The following SLC30A7 variants were observed in gnomAD, a reference collection of about 807,000 sequenced individuals.
SLC30A7 encodes the protein solute carrier family 30 member 7, also known as zinc transporter 7.
In SLC30A7, 35 loss-of-function variants were observed where a neutral mutation model predicts 46.0. The observed-to-expected ratio is 0.76, with a 90% CI of 0.58 to 1.01. SLC30A7 has a LOEUF of 1.01. SLC30A7 is among the 50% of genes least tolerant of loss of function. The pLI is 0.00. For synonymous variants in SLC30A7, 147 were observed against 157.8 expected (o/e 0.93, Z 0.51); for missense variants, 464 against 451.1 (o/e 1.03, Z -0.26).
At chr1:100,912,068 A>G (rs1404521299) in intron 4 of SLC30A7, 44 bp from the exon 5 acceptor site, 1 of 1,557,802 alleles carries the variant, frequency 6.4e-7, no homozygotes, top group Non-Finnish European at 8.8e-7. Context: ...TTGATCAATC[A>G]GAAATAATAT....
chr1:100,906,674 G>A (rs1651691413), intron 2 of SLC30A7, among the ~76,000 whole-genome samples, 178 bp from the exon 3 acceptor site: 1 of 152,140 alleles, frequency 6.6e-6, no homozygotes, highest in South Asian at 2.1e-4. Flanking sequence ...CAGGAGGTAC[G>A]AGGGTTTACT....
At chr1:100,917,178 A>G (rs1460332997) in intron 6 of SLC30A7, among the ~76,000 whole-genome samples, 2 of 152,208 alleles carry the variant, frequency 1.3e-5, no homozygotes, top group Non-Finnish European at 1.5e-5. Flanking sequence ...TGCATCCCAA[A>G]ATAATGTTGA....
chr1:100,987,110 A>C, the SLC30A7 span, among the ~76,000 whole-genome samples: 1 of 152,190 alleles, frequency 6.6e-6, no homozygotes, highest in African/African-American at 2.4e-5. Flanking sequence ...GTTAAGTTTA[A>C]TTTCAAATAA....
At chr1:100,983,771 A>T (rs1364992013), downstream of SLC30A7, among the ~76,000 whole-genome samples, 1 of 152,350 alleles carries the variant, frequency 6.6e-6, no homozygotes, top group African/African-American at 2.4e-5. Context: ...ATTCAGATTC[A>T]CATATAAGCA....
downstream of SLC30A7, among the ~76,000 whole-genome samples, chr1:100,985,801 A>C (rs1166655821): frequency 2.0e-5 from 3 of 152,260 alleles, no homozygotes; most frequent in Non-Finnish European, 4.4e-5. Context: ...ACAGAAGCAT[A>C]ATCTATGTAA....
chr1:100,993,645 C>G, the SLC30A7 span, among the ~76,000 whole-genome samples: 1 of 140,948 alleles, frequency 7.1e-6, no homozygotes, highest in African/African-American at 2.6e-5. Flanking sequence ...TTTACTGACT[C>G]TCAAAAAAAT....
At chr1:100,906,781 T>A (rs1651702976) in intron 2 of SLC30A7, 71 bp from the exon 3 acceptor site, 1 of 1,012,716 alleles carries the variant, frequency 9.9e-7, no homozygotes, top group African/African-American at 1.6e-5. Flanking sequence ...GGCTGAATCT[T>A]AGACTTTCAG....
At chr1:100,992,715 G>A in the SLC30A7 span, 1,382 of 1,613,090 alleles carry the variant, frequency 8.6e-4, 11 homozygotes, top group African/African-American at 0.016. Flanking sequence ...CTCATATACC[G>A]TGGAGGTTCA....
At chr1:100,941,289 A>G in intron 8 of SLC30A7, 1 of 377,560 alleles carries the variant, frequency 2.6e-6, no homozygotes, top group East Asian at 6.4e-5. Context: ...CTACCACCAA[A>G]GCCACCATGA....
At chr1:100,988,588 G>C in the SLC30A7 span, among the ~76,000 whole-genome samples, 186 of 152,286 alleles carry the variant, frequency 1.2e-3, no homozygotes, top group Middle Eastern at 0.014. Flanking sequence ...GCTCATGCCT[G>C]TAATCCCAGC....
At chr1:100,994,062 T>C in the SLC30A7 span, among the ~76,000 whole-genome samples, 1 of 152,148 alleles carries the variant, frequency 6.6e-6, no homozygotes, top group Non-Finnish European at 1.5e-5. Flanking sequence ...AAAATTTTAA[T>C]ATTTTAATTA....
At chr1:100,985,502 A>G (rs1348575756), downstream of SLC30A7, among the ~76,000 whole-genome samples, 1 of 152,208 alleles carries the variant, frequency 6.6e-6, no homozygotes, top group Non-Finnish European at 1.5e-5. Context: ...GAACCACACC[A>G]CCTGTTTTTA....
rs188140663 is a variant in SLC30A7 at position 100,953,771 on chromosome 1, T to G, written c.843-8057T>G. Among the ~76,000 whole-genome samples the G allele has an allele frequency of 4.6e-4, 70 of 152,364 alleles. 1 individual carries two copies. The East Asian group carries it at 0.013, about 28-fold the overall frequency. On this transcript the variant is annotated intron_variant, in intron 8 of 10. Coordinates refer to ENST00000357650, the MANE Select transcript of SLC30A7 (RefSeq NM_133496.5). ...TATTGACTTTAGTCTCTTCCCATTT[T>G]AAGATTTAATTTTTACTTATATTGC...
At chr1:100,992,551 A>G in the SLC30A7 span, 1 of 901,742 alleles carries the variant, frequency 1.1e-6, no homozygotes, top group South Asian at 2.0e-5. Context: ...TCTTGCTTCC[A>G]TAGTGGTATG....
intron 8 of SLC30A7, among the ~76,000 whole-genome samples, chr1:100,938,805 T>G (rs1654143479): frequency 2.0e-5 from 3 of 152,266 alleles, no homozygotes; most frequent in Admixed American, 2.0e-4. Context: ...GCTTTGCATC[T>G]GATTAAATCA....
At chr1:100,984,043 G>A (rs1657132991), downstream of SLC30A7, among the ~76,000 whole-genome samples, 1 of 152,190 alleles carries the variant, frequency 6.6e-6, no homozygotes, top group Non-Finnish European at 1.5e-5. Flanking sequence ...AGAAGGCAAA[G>A]TTACTACATT....
the SLC30A7 span, among the ~76,000 whole-genome samples, chr1:100,993,744 A>T: frequency 4.0e-5 from 6 of 150,880 alleles, no homozygotes; most frequent in South Asian, 1.3e-3. Context: ...AGTTTGTAAA[A>T]AGGCAATTTT....
At chr1:100,905,257 T>G (rs941680052) in intron 2 of SLC30A7, among the ~76,000 whole-genome samples, 2 of 152,128 alleles carry the variant, frequency 1.3e-5, no homozygotes, top group Non-Finnish European at 2.9e-5. Context: ...TTGAATAGTT[T>G]CTGAAGAAAA....
downstream of SLC30A7, among the ~76,000 whole-genome samples, chr1:100,983,503 T>C (rs1657098820): frequency 6.6e-6 from 1 of 151,906 alleles, no homozygotes; most frequent in Non-Finnish European, 1.5e-5. Context: ...AAGAAATGCA[T>C]AGTCTGGCAC....
Sources: gnomAD v4.1 joint callset for allele counts (sites outside exome capture counted in the v4.1 genomes callset) on GRCh38, gnomAD v4.1.1 for gene constraint, MANE v1.5 for transcripts, NCBI Gene and HGNC (gene_info 2026-07-23, HGNC 2026-07-21) for gene names.